Variants in EGFR observed in about 807,000 individuals in gnomAD.
The protein encoded by EGFR is avian erythroblastic leukemia viral (v-erb-b) oncogene homolog.
In EGFR, 58 loss-of-function variants were observed where a neutral mutation model predicts 143.0. The ratio of observed to expected loss-of-function variants is 0.41; its 90% CI spans 0.33 to 0.50. EGFR has a LOEUF of 0.50. Among genes scored for constraint, EGFR ranks in the 20% least tolerant of loss-of-function variants. The probability of loss-of-function intolerance (pLI) is 0.39; values close to 1 mark genes in which losing one functional copy is unlikely to be tolerated. For missense variants in EGFR, 1,307 were observed against 1,579.0 expected, an observed-to-expected ratio of 0.83 and a Z score of 2.92; for synonymous variants, 613 against 594.4, an observed-to-expected ratio of 1.03 and a Z score of -0.45.
At chr7:55,173,214 A>T (rs1189895266) in intron 17 of EGFR, 90 bp downstream of exon 17, 2 of 1,541,668 alleles carry the variant, frequency 1.3e-6, no homozygotes, top group Non-Finnish European at 1.8e-6. Context: ...GCAGTTGTGT[A>T]TGTTAGATAC....
At chr7:55,058,854 C>T (rs28552843) in intron 1 of EGFR, among the ~76,000 whole-genome samples, 1,611 of 152,148 alleles carry the variant, frequency 0.011, 32 homozygotes, top group African/African-American at 0.036. Flanking sequence ...TAAAAAGATG[C>T]TATGCAATAA....
intron 1 of EGFR, among the ~76,000 whole-genome samples, chr7:55,073,209 A>G (rs1789934212): frequency 6.6e-6 from 1 of 152,252 alleles, no homozygotes; most frequent in African/African-American, 2.4e-5. Context: ...GGATCAAGGA[A>G]AGGGCAGTTG....
chr7:55,110,440 C>T (rs969638358), intron 1 of EGFR, among the ~76,000 whole-genome samples: 2 of 152,194 alleles, frequency 1.3e-5, no homozygotes, highest in Non-Finnish European at 2.9e-5. Flanking sequence ...TGGGGCAGCT[C>T]TCCCACCCCA....
intron 1 of EGFR, among the ~76,000 whole-genome samples, chr7:55,039,866 G>T (rs1361233324): frequency 6.6e-6 from 1 of 152,124 alleles, no homozygotes; most frequent in African/African-American, 2.4e-5. Flanking sequence ...GAGAAATGGG[G>T]TCCTCTTTGA....
intron 1 of EGFR, among the ~76,000 whole-genome samples, chr7:55,042,100 A>T (rs1390095833): frequency 1.3e-5 from 2 of 152,232 alleles, no homozygotes; most frequent in Admixed American, 1.3e-4. Context: ...TAATTAAAAG[A>T]AATGATTATT....
At chr7:55,046,054 T>C (rs1478449211) in intron 1 of EGFR, among the ~76,000 whole-genome samples, 1 of 152,238 alleles carries the variant, frequency 6.6e-6, no homozygotes, top group Non-Finnish European at 1.5e-5. Flanking sequence ...TTCTACTTTT[T>C]TTATTAGTGT....
At chr7:55,095,823 TACAC>T (rs1263954919) in intron 1 of EGFR, among the ~76,000 whole-genome samples, 1 of 134,056 alleles carries the variant, frequency 7.5e-6, no homozygotes, top group Non-Finnish European at 1.6e-5. Context: ...CAGAGAGACA[TACAC>T]ACAGCCCACA....
At chr7:55,107,154 G>A (rs1000310399) in intron 1 of EGFR, among the ~76,000 whole-genome samples, 3 of 152,276 alleles carry the variant, frequency 2.0e-5, no homozygotes, top group African/African-American at 7.2e-5. Context: ...GAACTCAAAC[G>A]TTCTGATTGT....
At chr7:55,181,233 T>A in intron 19 of EGFR, 60 bp from the exon 20 acceptor site, 2 of 1,590,916 alleles carry the variant, frequency 1.3e-6, no homozygotes, top group East Asian at 2.2e-5. Context: ...AAGGGGTCCA[T>A]GTGCCCCTCC....
chr7:55,027,991 A>AATATATATATATATATAT (rs374300539), intron 1 of EGFR, among the ~76,000 whole-genome samples: 1 of 54,986 alleles, frequency 1.8e-5, no homozygotes, highest in East Asian at 8.4e-4. Flanking sequence ...AAAAAAAAAA[A>AATATATATATATATATAT]ATATATATAT....
intron 1 of EGFR, among the ~76,000 whole-genome samples, chr7:55,105,404 A>C (rs1792073574): frequency 1.3e-5 from 2 of 152,258 alleles, no homozygotes; most frequent in African/African-American, 4.8e-5. Flanking sequence ...TTTCAAAGTC[A>C]GCGCTAAGAT....
chr7:55,083,652 G>A (rs186547004), intron 1 of EGFR, among the ~76,000 whole-genome samples: 43 of 152,304 alleles, frequency 2.8e-4, no homozygotes, highest in Admixed American at 4.6e-4. Flanking sequence ...GGAGATCTTT[G>A]CTGCATCTAC....
intron 15 of EGFR, 116 bp from the exon 16 acceptor site, chr7:55,171,059 T>A: frequency 6.5e-7 from 1 of 1,538,810 alleles, no homozygotes; most frequent in Non-Finnish European, 8.7e-7. Context: ...ATAGTGATTT[T>A]AATTATTTAA....
intron 1 of EGFR, among the ~76,000 whole-genome samples, chr7:55,133,882 G>A (rs1307986408): frequency 1.3e-5 from 2 of 152,242 alleles, no homozygotes; most frequent in Non-Finnish European, 2.9e-5. Flanking sequence ...TGGAGGGGAA[G>A]TGGTATTATT....
rs1364543969 is a variant in EGFR, at chr7:55,207,370, C to T, written c.*1753C>T. On this transcript the variant is annotated 3_prime_UTR_variant, in exon 28 of 28. Transcript: ENST00000275493. ...TCTCAAATACCCCTAAGCATCTATA[C>T]TAGCCTGGTATGGGTATGAAAGATA... The T allele has an allele frequency of 8.9e-6, 2 of 223,852 alleles. No individual in the cohort carries two copies. Among genetic ancestry groups the T allele is most frequent in the African/African-American group, 4.5e-5 (2 of 44,800 alleles). 13.9% of individuals were successfully genotyped at this position (223,852 alleles called of 1,614,324 possible).
chr7:55,200,316 G>A lies in EGFR; in HGVS notation c.2849G>A (p.Cys950Tyr), dbSNP rs2128969771. ...CTGTTTTTTCTCATTCCTTCCCCAG[G>A]CTGGATGATAGACGCAGATAGTCGC... ...TIDVYMIMVK[C>Y]WMIDADSRPK... Residue 950 changes from cysteine (C) to tyrosine (Y), a missense_variant and splice_region_variant, in exon 24 of 28, where the codon TGC becomes TAC. This residue lies in a region of EGFR where 348 missense variants were observed against 451.5 expected (regional missense o/e 0.77). Coordinates refer to ENST00000275493, the MANE Select transcript of EGFR (RefSeq NM_005228.5). 6.2e-7 allele frequency: 1 copy of A among 1,613,964 alleles called. No individual in the cohort carries two copies. The highest frequency in any genetic ancestry group is 8.5e-7 in the Non-Finnish European group (1 of 1,179,958).
intron 1 of EGFR, among the ~76,000 whole-genome samples, chr7:55,103,441 A>G (rs1435267479): frequency 1.3e-5 from 2 of 152,250 alleles, no homozygotes; most frequent in Non-Finnish European, 2.9e-5. Context: ...ACACCCTGTA[A>G]TATACTTTTG....
At chr7:55,171,310 C>T in intron 16 of EGFR, 97 bp downstream of exon 16, 2 of 1,535,314 alleles carry the variant, frequency 1.3e-6, no homozygotes, top group Non-Finnish European at 1.8e-6. Context: ...TGTCCTCTGT[C>T]CTGATCAAGT....
chr7:55,077,571 T>C (rs1343211123), intron 1 of EGFR, among the ~76,000 whole-genome samples: 1 of 152,190 alleles, frequency 6.6e-6, no homozygotes, highest in Non-Finnish European at 1.5e-5. Flanking sequence ...CCTTCCAGCA[T>C]GATTATGATA....
Sources: allele counts gnomAD v4.1 joint callset (sites outside exome capture counted in the v4.1 genomes callset), GRCh38; gene constraint gnomAD v4.1.1; regional missense constraint gnomAD v4.1.1; transcripts MANE v1.5; gene names NCBI Gene and HGNC (gene_info 2026-07-23, HGNC 2026-07-21).